ABCC4: variants seen among roughly 807,000 people sequenced by gnomAD.
ABCC4 encodes the protein ATP-binding cassette sub-family C member 4.
Under a neutral mutation model 168.5 loss-of-function variants are expected in ABCC4, and 102 were observed. The ratio of observed to expected loss-of-function variants is 0.61; its 90% CI spans 0.52 to 0.71. The LOEUF is 0.71. ABCC4 is among the 30% of genes least tolerant of loss of function. ABCC4 has a pLI of 0.00. For missense variants in ABCC4, 1,402 were observed against 1,605.8 expected (o/e 0.87, Z 2.17); for synonymous variants, 617 against 590.7 (o/e 1.04, Z -0.65).
chr13:95,020,141 T>C lies in ABCC4; in HGVS notation c.*1434A>G, dbSNP rs2031011646. ...GGAGTTGAACAGCTACTACGGTCAA[T>C]GTATTTTGGCAGTTAGCTGTGTGTG... On this transcript the variant is annotated 3_prime_UTR_variant, in exon 31 of 31. Transcript: ENST00000645237. 6.6e-6 allele frequency: 1 copy of C among 152,232 alleles called. No homozygotes were observed. The highest frequency in any genetic ancestry group is 2.4e-5 in the African/African-American group (1 of 41,458). The allele number at this position is 152,232 out of a possible 1,614,324, so 9.4% of individuals were successfully genotyped here.
chr13:95,057,416 T>A (rs2033104751), intron 26 of ABCC4, among the ~76,000 whole-genome samples: 1 of 152,146 alleles, frequency 6.6e-6, no homozygotes, highest in Non-Finnish European at 1.5e-5. Flanking sequence ...ATTTTTGTAT[T>A]TTTAGTAGAG....
chr13:95,199,965 C>A (rs937849269), intron 8 of ABCC4, among the ~76,000 whole-genome samples: 1 of 152,202 alleles, frequency 6.6e-6, no homozygotes, highest in Non-Finnish European at 1.5e-5. Context: ...GGAAGCACTA[C>A]ACCTCCACAA....
intron 20 of ABCC4, among the ~76,000 whole-genome samples, chr13:95,098,425 A>T (rs1594091329): frequency 1.3e-5 from 2 of 152,258 alleles, no homozygotes; most frequent in African/African-American, 4.8e-5. Context: ...CTGGAAAAAA[A>T]ATCAAAATTG....
intron 8 of ABCC4, among the ~76,000 whole-genome samples, chr13:95,203,154 G>T (rs2038680251): frequency 6.6e-6 from 1 of 152,096 alleles, no homozygotes. Flanking sequence ...GTTACCTAGT[G>T]GGTACTCACC....
chr13:95,075,872 T>C (rs1212496354), intron 21 of ABCC4, among the ~76,000 whole-genome samples: 1 of 152,132 alleles, frequency 6.6e-6, no homozygotes, highest in Admixed American at 6.5e-5. Context: ...TTCCCTGACA[T>C]CTCTTTGGGC....
intron 27 of ABCC4, among the ~76,000 whole-genome samples, chr13:95,049,331 C>G (rs1417917889): frequency 1.4e-5 from 2 of 144,544 alleles, no homozygotes; most frequent in Non-Finnish European, 3.0e-5. Flanking sequence ...AAGACTCTGT[C>G]TAAAAAAATA....
At chr13:95,125,920 G>A (rs2035742816) in intron 19 of ABCC4, among the ~76,000 whole-genome samples, 1 of 152,218 alleles carries the variant, frequency 6.6e-6, no homozygotes, top group South Asian at 2.1e-4. Flanking sequence ...AGAAGGTACA[G>A]ATCCCTGGAC....
intron 29 of ABCC4, among the ~76,000 whole-genome samples, chr13:95,035,603 T>A (rs2032088154): frequency 6.6e-6 from 1 of 152,210 alleles, no homozygotes; most frequent in African/African-American, 2.4e-5. Context: ...TTTCTCTTTC[T>A]TGAGCTGCTT....
At chr13:95,173,956 T>G (rs1430397650) in intron 13 of ABCC4, among the ~76,000 whole-genome samples, 1 of 152,228 alleles carries the variant, frequency 6.6e-6, no homozygotes, top group Non-Finnish European at 1.5e-5. Context: ...TGATCTTGAA[T>G]CTTGTCCTCC....
Position 95,207,930 on chromosome 13 carries a change from G to C in ABCC4, c.786-5C>G. On this transcript the variant is annotated splice_region_variant and splice_polypyrimidine_tract_variant and intron_variant, in intron 6 of 30. Coordinates refer to ENST00000645237, the MANE Select transcript of ABCC4 (RefSeq NM_005845.5). ...GTGAAAGTTGCAGTTTTACTCCTAA[G>C]GGGAACCAGACACGGGAGATGAGCC... 1.2e-6 allele frequency: 2 copies of C among 1,612,866 alleles called. No individual in the cohort carries two copies. The highest frequency in any genetic ancestry group is 1.7e-6 in the Non-Finnish European group (2 of 1,179,768).
intron 19 of ABCC4, among the ~76,000 whole-genome samples, chr13:95,118,050 A>T (rs1398993760): frequency 6.6e-6 from 1 of 152,192 alleles, no homozygotes; most frequent in Non-Finnish European, 1.5e-5. Flanking sequence ...ATAAAATACA[A>T]GGAAAACAAA....
intron 19 of ABCC4, among the ~76,000 whole-genome samples, chr13:95,129,534 A>G (rs371060528): frequency 1.2e-3 from 178 of 152,346 alleles, no homozygotes; most frequent in African/African-American, 3.5e-3. Flanking sequence ...ATGATATTCA[A>G]TTTGCCAATA....
At chr13:95,048,352 C>G (rs948245274) in intron 27 of ABCC4, among the ~76,000 whole-genome samples, 1 of 152,162 alleles carries the variant, frequency 6.6e-6, no homozygotes, top group Non-Finnish European at 1.5e-5. Context: ...ATGAACTGAA[C>G]TTTCTAAGAC....
At chr13:95,294,690 C>T (rs1004965656) in intron 1 of ABCC4, among the ~76,000 whole-genome samples, 2 of 152,174 alleles carry the variant, frequency 1.3e-5, no homozygotes, top group Non-Finnish European at 1.5e-5. Context: ...TGGCGGCTCA[C>T]GCCTGTAATC....
chr13:95,193,379 G>A (rs748616178), intron 9 of ABCC4, among the ~76,000 whole-genome samples: 1 of 152,088 alleles, frequency 6.6e-6, no homozygotes, highest in South Asian at 2.1e-4. Context: ...AGAGACCCTC[G>A]CCCTCTGCTC....
intron 6 of ABCC4, 142 bp from the exon 7 acceptor site, chr13:95,208,067 A>G: frequency 3.5e-6 from 3 of 850,352 alleles, no homozygotes; most frequent in Non-Finnish European, 5.4e-6. Context: ...TACTCAAAAT[A>G]CAAATAGAAA....
intron 8 of ABCC4, among the ~76,000 whole-genome samples, chr13:95,196,215 G>A (rs1349913091): frequency 6.6e-6 from 1 of 151,936 alleles, no homozygotes; most frequent in Admixed American, 6.6e-5. Flanking sequence ...TTTTGTAGAT[G>A]TGGCAAAAAC....
chr13:95,071,333 G>T (rs1257279203), intron 25 of ABCC4, among the ~76,000 whole-genome samples: 1 of 152,144 alleles, frequency 6.6e-6, no homozygotes, highest in African/African-American at 2.4e-5. Flanking sequence ...CTTGAGAAAT[G>T]CAACAAAGTA....
intron 26 of ABCC4, among the ~76,000 whole-genome samples, chr13:95,057,151 T>A (rs1308441926): frequency 6.6e-6 from 1 of 152,190 alleles, no homozygotes; most frequent in Non-Finnish European, 1.5e-5. Flanking sequence ...AGCTAACTAT[T>A]CTGTTTAGGG....
Sources: allele counts gnomAD v4.1 joint callset (sites outside exome capture counted in the v4.1 genomes callset), GRCh38; gene constraint gnomAD v4.1.1; transcripts MANE v1.5; gene names NCBI Gene and HGNC (gene_info 2026-07-23, HGNC 2026-07-21).